Variants in PRELP observed in about 807,000 individuals in gnomAD.
The protein encoded by PRELP is proline and arginine rich end leucine rich repeat protein.
In PRELP, 16 loss-of-function variants were observed where a neutral mutation model predicts 22.8. The observed-to-expected ratio is 0.70, with a 90% CI of 0.47 to 1.06. The LOEUF (loss-of-function observed/expected upper bound fraction) is 1.06, where lower values mean the gene tolerates loss of function less well. Among genes scored for constraint, PRELP ranks in the 50% least tolerant of loss-of-function variants. PRELP has a pLI of 0.00. For synonymous variants in PRELP, 233 were observed against 211.4 expected (o/e 1.10, Z -0.89); for missense variants, 434 against 485.2 (o/e 0.89, Z 0.99).
At position 203,487,105 on chromosome 1, in the gene PRELP, C is replaced by T; in HGVS notation, c.*224C>T. 1 of 514,660 alleles carries T rather than the reference C, an allele frequency of 1.9e-6. No homozygotes were observed. 31.9% of individuals were successfully genotyped at this position (514,660 alleles called of 1,614,324 possible). On this transcript the variant is annotated 3_prime_UTR_variant, in exon 3 of 3. Transcript: ENST00000343110. ...CAGTTGAAAGACACCCAGTGCACACCCAAACTCCTGGCCTTCTGTGGTTTC... is the reference window on the plus strand; with the variant it reads ...CAGTTGAAAGACACCCAGTGCACACTCAAACTCCTGGCCTTCTGTGGTTTC...
rs187339392 is a variant in PRELP, at chr1:203,479,539, C to T, written c.-17+3601C>T. Among the ~76,000 whole-genome samples the T allele has an allele frequency of 9.1e-3, 1,373 of 151,416 alleles. 5 individuals are homozygous for T. The highest frequency in any genetic ancestry group is 0.015 in the Non-Finnish European group (991 of 67,816). On this transcript the variant is annotated intron_variant, in intron 1 of 2. Coordinates refer to ENST00000343110, the MANE Select transcript of PRELP (RefSeq NM_002725.4). ...GCAACATGGTAAAACCCCATCTCTA[C>T]AAAAAAGACAAAAATTAGCCAGCTG...
Position 203,483,032 on chromosome 1 carries a change from A to G in PRELP, c.-16-137A>G. On this transcript the variant is annotated intron_variant, in intron 1 of 2. Coordinates refer to ENST00000343110, the MANE Select transcript of PRELP (RefSeq NM_002725.4). The surrounding 1 kb of genome is among the most constrained non-coding windows in gnomAD (Gnocchi z 4.4). ...CTTACCTGCTGGGTACAGGCAAACA[A>G]GGAGATGCTTCCACAGCTCCCTGAG... 1 of 716,514 alleles carries G rather than the reference A, an allele frequency of 1.4e-6. No homozygotes were observed. The highest frequency in any genetic ancestry group is 4.0e-4 in the Middle Eastern group (1 of 2,490). 44.4% of individuals were successfully genotyped at this position (716,514 alleles called of 1,614,324 possible). A position where few individuals can be genotyped will look rare whatever the true frequency, so the allele number is the denominator to read the frequency against.
chr1:203,484,988 G>T (rs1443231581), intron 2 of PRELP, among the ~76,000 whole-genome samples: 1 of 152,134 alleles, frequency 6.6e-6, no homozygotes, highest in Non-Finnish European at 1.5e-5. Flanking sequence ...GAAGGGAAGA[G>T]AGGGATTGAG....
intron 1 of PRELP, among the ~76,000 whole-genome samples, chr1:203,480,913 G>A (rs546636407): frequency 7.2e-5 from 11 of 152,360 alleles, no homozygotes; most frequent in South Asian, 2.1e-4. Flanking sequence ...ATGAGAAGGC[G>A]CGCACAGCCA....
rs1661126018 is a variant in PRELP at position 203,487,936 on chromosome 1, C to T, written c.*1055C>T. On this transcript the variant is annotated 3_prime_UTR_variant, in exon 3 of 3. Coordinates refer to ENST00000343110, the MANE Select transcript of PRELP (RefSeq NM_002725.4). ...TCCTCGGAGACAGACGCATCGGTGC[C>T]ACCTAGTGGCTGGTGGGAGTAACAG... 1 of 152,268 alleles carries T rather than the reference C, an allele frequency of 6.6e-6. No individual in the cohort carries two copies. Among genetic ancestry groups the T allele is most frequent in the African/African-American group, 2.4e-5 (1 of 41,468 alleles). The allele number at this position is 152,268 out of a possible 1,614,324, so 9.4% of individuals were successfully genotyped here. A position where few individuals can be genotyped will look rare whatever the true frequency, so the allele number is the denominator to read the frequency against.
At chr1:203,482,113 C>A (rs1238058014) in intron 1 of PRELP, among the ~76,000 whole-genome samples, 3 of 152,076 alleles carry the variant, frequency 2.0e-5, no homozygotes, top group Non-Finnish European at 4.4e-5. Flanking sequence ...AAGGACCTTT[C>A]TGGATTTAAC....
At chr1:203,481,237 T>A (rs201037206) in intron 1 of PRELP, among the ~76,000 whole-genome samples, 6 of 85,956 alleles carry the variant, frequency 7.0e-5, no homozygotes, top group African/African-American at 3.4e-4. Flanking sequence ...AGAAAATAAA[T>A]TTTTTTTTTT....
Position 203,490,154 on chromosome 1 carries a change from AGGGTCTCATTATGTT to A in PRELP, c.*3275_*3289del. The A allele has an allele frequency of 6.6e-6, 1 of 152,026 alleles. No individual in the cohort carries two copies. The highest frequency in any genetic ancestry group is 2.1e-4 in the South Asian group (1 of 4,806). 9.4% of individuals were successfully genotyped at this position (152,026 alleles called of 1,614,324 possible). The stretch of plus-strand genomic sequence containing the variant: ...TTTCTTATTATTTTTAAATAGAGGC[AGGGTCTCATTATGTT>A]GCCCAGGCTGGTCTGGAACTCCTGG... On this transcript the variant is annotated 3_prime_UTR_variant, in exon 3 of 3. Coordinates refer to ENST00000343110, the MANE Select transcript of PRELP (RefSeq NM_002725.4).
At position 203,483,426 on chromosome 1, in the gene PRELP, C is replaced by T; in HGVS notation, c.242C>T (p.Pro81Leu). 2 of 1,614,202 alleles carry T rather than the reference C, an allele frequency of 1.2e-6. No homozygotes were observed. Among genetic ancestry groups the T allele is most frequent in the Non-Finnish European group, 1.7e-6 (2 of 1,180,020 alleles). ...PDCPRECYCP[P>L]DFPSALYCDS... ...TGTCCCCGCGAATGCTACTGCCCCC[C>T]TGATTTCCCATCTGCCCTCTACTGT... Residue 81 changes from proline (P) to leucine (L), a missense_variant, in exon 2 of 3, where the codon CCT becomes CTT. Physicochemically the swap from Pro to Leu is moderately conservative, Grantham distance 98. Coordinates refer to ENST00000343110, the MANE Select transcript of PRELP (RefSeq NM_002725.4). This position sits in a 1 kb window ranked among gnomAD's most constrained non-coding sequence, Gnocchi z 4.4.
intron 1 of PRELP, among the ~76,000 whole-genome samples, chr1:203,478,712 A>G (rs543391424): frequency 2.6e-5 from 4 of 152,230 alleles, no homozygotes; most frequent in South Asian, 2.1e-4. Context: ...CCTAACTAGT[A>G]TGCACCACAG....
At chr1:203,482,808 A>G (rs1299472500) in intron 1 of PRELP, among the ~76,000 whole-genome samples, 6 of 151,478 alleles carry the variant, frequency 4.0e-5, no homozygotes, top group Admixed American at 6.6e-5. Flanking sequence ...CGTGTTAGCC[A>G]GGATGGTCTC....
intron 1 of PRELP, among the ~76,000 whole-genome samples, chr1:203,481,705 T>C (rs1022411240): frequency 2.6e-5 from 4 of 152,312 alleles, no homozygotes; most frequent in Admixed American, 6.5e-5. Context: ...TGGGCTCATA[T>C]ACGCACACAG....
Position 203,483,035 on chromosome 1 carries a change from AG to A in PRELP, c.-16-133del. On this transcript the variant is annotated intron_variant, in intron 1 of 2. Coordinates refer to ENST00000343110, the MANE Select transcript of PRELP (RefSeq NM_002725.4). This position sits in a 1 kb window ranked among gnomAD's most constrained non-coding sequence, Gnocchi z 4.4. ...ACCTGCTGGGTACAGGCAAACAAGG[AG>A]ATGCTTCCACAGCTCCCTGAGCTCT... is the stretch of plus-strand genomic sequence containing the variant. The A allele has an allele frequency of 2.8e-6, 2 of 722,100 alleles. No homozygotes were observed. The highest frequency in any genetic ancestry group is 4.6e-6 in the Non-Finnish European group (2 of 432,566). 44.7% of individuals were successfully genotyped at this position (722,100 alleles called of 1,614,324 possible).
chr1:203,475,826 C>T lies in PRELP; in HGVS notation c.-129C>T, dbSNP rs368773056. On this transcript the variant is annotated 5_prime_UTR_variant, in exon 1 of 3. Coordinates refer to ENST00000343110, the MANE Select transcript of PRELP (RefSeq NM_002725.4). ...CAGGCAAACACAAGCACGCACACACCACTGGGAGATCAGATCTTCTAGCTG... is the reference window on the plus strand; with the variant it reads ...CAGGCAAACACAAGCACGCACACACTACTGGGAGATCAGATCTTCTAGCTG... The T allele has an allele frequency of 6.6e-6, 1 of 152,344 alleles. No homozygotes were observed. Among genetic ancestry groups the T allele is most frequent in the Non-Finnish European group, 1.5e-5 (1 of 68,110 alleles). The allele number at this position is 152,344 out of a possible 1,614,324, so 9.4% of individuals were successfully genotyped here.
In PRELP at chr1:203,482,177, T is replaced by C. The variant is rs73056534; in HGVS notation, c.-16-992T>C. Among the ~76,000 whole-genome samples, 695 of 152,254 alleles carry C rather than the reference T, an allele frequency of 4.6e-3. 6 individuals are homozygous for C. Among genetic ancestry groups the C allele is most frequent in the African/African-American group, 0.016 (652 of 41,544 alleles). On this transcript the variant is annotated intron_variant, in intron 1 of 2. Coordinates refer to ENST00000343110, the MANE Select transcript of PRELP (RefSeq NM_002725.4). ...ATCCCTCTCATGAAGACACTGATGA[T>C]TTTCTCATGCTGTGAATGGGAGGAC...
rs1244339180 is a variant in PRELP, at chr1:203,483,307, G to A, written c.123G>A (p.Arg41=). ...GPGRRPRPRP[R]PTPSFPQPDE... ...GGCGCAGACCCAGGCCCAGGCCCAG[G>A]CCCACACCCAGCTTTCCTCAGCCTG... The change falls in exon 2 of 3, where the codon AGG becomes AGA. Residue 41 remains arginine (R), a synonymous_variant. Coordinates refer to ENST00000343110, the MANE Select transcript of PRELP (RefSeq NM_002725.4). The surrounding 1 kb of genome is among the most constrained non-coding windows in gnomAD (Gnocchi z 4.4). The A allele has an allele frequency of 6.2e-7, 1 of 1,613,864 alleles. No homozygotes were observed. Among genetic ancestry groups the A allele is most frequent in the Non-Finnish European group, 8.5e-7 (1 of 1,179,956 alleles).
chr1:203,483,951 C>A lies in PRELP; in HGVS notation c.767C>A (p.Thr256Asn). ...QLYLDSNKIE[T>N]IPNGYFKSFP... The stretch of plus-strand genomic sequence containing the variant: ...TACCTGGACAGTAACAAGATTGAGA[C>A]CATCCCTAACGGATACTTCAAGAGC... The change falls in exon 2 of 3, where the codon ACC becomes AAC. Residue 256 changes from threonine (T) to asparagine (N), a missense_variant. Transcript: ENST00000343110. This position sits in a 1 kb window ranked among gnomAD's most constrained non-coding sequence, Gnocchi z 4.4. The A allele has an allele frequency of 6.2e-7, 1 of 1,614,244 alleles. No homozygotes were observed. The highest frequency in any genetic ancestry group is 1.1e-5 in the South Asian group (1 of 91,086).
intron 1 of PRELP, among the ~76,000 whole-genome samples, chr1:203,476,938 G>C (rs1324063520): frequency 1.5e-5 from 2 of 133,182 alleles, no homozygotes; most frequent in Non-Finnish European, 3.3e-5. Flanking sequence ...TGTGGCAGAG[G>C]AGAAAAAAAA....
In PRELP at chr1:203,483,700, C is replaced by G. The variant is rs1363688783; in HGVS notation, c.516C>G (p.Asn172Lys). The change falls in exon 2 of 3, where the codon AAC becomes AAG. Residue 172 changes from asparagine (N) to lysine (K), a missense_variant. Transcript: ENST00000343110. This position sits in a 1 kb window ranked among gnomAD's most constrained non-coding sequence, Gnocchi z 4.4. ...LEEVPSALPRNLEQLRLSQNH... is the reference protein window; with the variant it reads ...LEEVPSALPRKLEQLRLSQNH... The stretch of plus-strand genomic sequence containing the variant: ...AGGTCCCCTCGGCCCTGCCCCGGAA[C>G]CTGGAGCAGCTGAGGCTGAGCCAGA... 1.2e-6 allele frequency: 2 copies of G among 1,614,100 alleles called. No homozygotes were observed. The highest frequency in any genetic ancestry group is 2.2e-5 in the East Asian group (1 of 44,894).
Sources: allele counts gnomAD v4.1 joint callset (sites outside exome capture counted in the v4.1 genomes callset), GRCh38; gene constraint gnomAD v4.1.1; non-coding constraint Gnocchi (gnomAD v3.1); transcripts MANE v1.5; gene names NCBI Gene and HGNC (gene_info 2026-07-23, HGNC 2026-07-21).